Variants in CFAP52 observed in about 807,000 individuals in gnomAD.
The protein encoded by CFAP52 is cilia- and flagella-associated protein 52.
A neutral mutation model predicts 70.5 loss-of-function variants in CFAP52; 57 were observed. The observed-to-expected ratio is 0.81, with a 90% confidence interval of 0.65 to 1.01. The LOEUF is 1.01. CFAP52 is among the 50% of genes least tolerant of loss of function. The probability of loss-of-function intolerance (pLI) is 0.00; values close to 1 mark genes in which losing one functional copy is unlikely to be tolerated. For synonymous variants in CFAP52, 267 were observed against 292.5 expected (o/e 0.91, Z 0.89); for missense variants, 785 against 788.5 (o/e 1.00, Z 0.05).
intron 3 of CFAP52, chr17:9,590,164 T>A (rs962328425): frequency 1.1e-5 from 2 of 189,238 alleles, no homozygotes; most frequent in East Asian, 2.6e-4. Context: ...CGATCCATGG[T>A]ATCTTCAGAG....
chr17:9,584,376 G>T, intron 1 of CFAP52: 2 of 1,279,604 alleles, frequency 1.6e-6, no homozygotes, highest in Non-Finnish European at 1.0e-6. Flanking sequence ...CACCTGGTGG[G>T]CACTCAGAAC....
chr17:9,580,877 T>C (rs1034506922), intron 1 of CFAP52, among the ~76,000 whole-genome samples: 2 of 152,210 alleles, frequency 1.3e-5, no homozygotes, highest in Non-Finnish European at 2.9e-5. Flanking sequence ...CAATTCTTAA[T>C]GAAGATAATC....
rs1910153168 is a variant in CFAP52 at position 9,624,164 on chromosome 17, T to C, written c.1026-4508T>C. Among the ~76,000 whole-genome samples the C allele has an allele frequency of 2.6e-5, 4 of 152,308 alleles. No homozygotes were observed. The South Asian group carries it at 8.3e-4, about 32-fold the overall frequency. On this transcript the variant is annotated intron_variant, in intron 8 of 13. Transcript: ENST00000352665. ...ACTGTGATTTGTCTTTCTCTTTGTG[T>C]TTATCCTTTCTTAGCATTTGTTAAA...
chr17:9,630,138 C>T (rs772986431), intron 9 of CFAP52, among the ~76,000 whole-genome samples: 1 of 151,856 alleles, frequency 6.6e-6, no homozygotes, highest in African/African-American at 2.4e-5. Flanking sequence ...TTATCTTCCC[C>T]CTTATCCTAG....
chr17:9,616,303 C>G (rs1213057345), intron 8 of CFAP52, among the ~76,000 whole-genome samples: 1 of 131,356 alleles, frequency 7.6e-6, no homozygotes, highest in African/African-American at 3.1e-5. Flanking sequence ...GCTTAAGAAA[C>G]GGCGCACCAC....
intron 6 of CFAP52, among the ~76,000 whole-genome samples, chr17:9,603,810 A>T (rs1026525098): frequency 2.0e-5 from 3 of 152,222 alleles, no homozygotes; most frequent in Non-Finnish European, 4.4e-5. Context: ...TGTTCTGCAC[A>T]TGTATCCCAG....
At position 9,586,679 on chromosome 17, in the gene CFAP52, G is replaced by C. The variant is rs768841227; in HGVS notation, c.271-19G>C. ...TTTTAATGCCTCCCTATGATCTGACGGTGTGTTCTTGCCCCCAGGCAGACA... is the reference window on the plus strand; with the variant it reads ...TTTTAATGCCTCCCTATGATCTGACCGTGTGTTCTTGCCCCCAGGCAGACA... On this transcript the variant is annotated intron_variant, in intron 2 of 13. Coordinates refer to ENST00000352665, the MANE Select transcript of CFAP52 (RefSeq NM_145054.5). 2 of 1,597,060 alleles carry C rather than the reference G, an allele frequency of 1.3e-6. No homozygotes were observed. Among genetic ancestry groups the C allele is most frequent in the African/African-American group, 1.4e-5 (1 of 73,828 alleles).
At chr17:9,644,240 G>C (rs577907626), downstream of CFAP52, among the ~76,000 whole-genome samples, 1 of 152,260 alleles carries the variant, frequency 6.6e-6, no homozygotes, top group African/African-American at 2.4e-5. Flanking sequence ...TGAGTAGCTA[G>C]GATTACAGGC....
intron 11 of CFAP52, among the ~76,000 whole-genome samples, chr17:9,636,809 G>T (rs1279573091): frequency 6.6e-6 from 1 of 152,182 alleles, no homozygotes; most frequent in Non-Finnish European, 1.5e-5. Flanking sequence ...CACTTTGGGA[G>T]GCCGAGGTGG....
At chr17:9,576,912 C>A in intron 1 of CFAP52, 147 bp downstream of exon 1, 1 of 781,848 alleles carries the variant, frequency 1.3e-6, no homozygotes, top group Non-Finnish European at 1.9e-6. Context: ...CAGGAGGACC[C>A]GCACAGCCTG....
chr17:9,611,220 T>C (rs1909699852), intron 7 of CFAP52, among the ~76,000 whole-genome samples: 1 of 150,208 alleles, frequency 6.7e-6, no homozygotes, highest in Non-Finnish European at 1.5e-5. Flanking sequence ...AGAGTCTGTA[T>C]CCTAGGGCCT....
intron 6 of CFAP52, among the ~76,000 whole-genome samples, chr17:9,601,336 C>T (rs566031480): frequency 2.4e-4 from 37 of 151,814 alleles, no homozygotes; most frequent in African/African-American, 8.5e-4. Context: ...GGGTGCAGCA[C>T]ACCAACATGG....
intron 8 of CFAP52, among the ~76,000 whole-genome samples, chr17:9,613,993 T>A (rs1037443198): frequency 1.6e-4 from 25 of 152,186 alleles, no homozygotes; most frequent in African/African-American, 5.1e-4. Flanking sequence ...TCTTTTTTTT[T>A]AATAAGCACT....
intron 8 of CFAP52, among the ~76,000 whole-genome samples, chr17:9,627,655 CATT>C (rs1910290865): frequency 1.3e-5 from 2 of 152,162 alleles, no homozygotes; most frequent in African/African-American, 4.8e-5. Context: ...AGGTAATATA[CATT>C]AAATATGTTC....
rs187575858 is a variant in CFAP52, at chr17:9,636,970, G to A, written c.1472+1414G>A. On this transcript the variant is annotated intron_variant, in intron 11 of 13. Coordinates refer to ENST00000352665, the MANE Select transcript of CFAP52 (RefSeq NM_145054.5). ...TGAGGCAGGAGAATCGCTTGAACCCGGGAGGCGGAGGTTGCAGTGAGCTGA... is the reference window on the plus strand; with the variant it reads ...TGAGGCAGGAGAATCGCTTGAACCCAGGAGGCGGAGGTTGCAGTGAGCTGA... 4.1e-3 allele frequency among the ~76,000 whole-genome samples: 626 copies of A among 152,198 alleles called. 3 individuals carry two copies. Among genetic ancestry groups the A allele is most frequent in the African/African-American group, 0.014 (590 of 41,514 alleles).
intron 6 of CFAP52, among the ~76,000 whole-genome samples, chr17:9,602,069 A>G (rs1293963218): frequency 6.6e-6 from 1 of 152,176 alleles, no homozygotes; most frequent in Non-Finnish European, 1.5e-5. Flanking sequence ...TAATGCTACA[A>G]GAGATTGAAG....
At chr17:9,626,709 A>G (rs556095725) in intron 8 of CFAP52, among the ~76,000 whole-genome samples, 30 of 152,322 alleles carry the variant, frequency 2.0e-4, no homozygotes, top group African/African-American at 7.0e-4. Context: ...CTTGATTTAC[A>G]TTAATCAAGA....
At chr17:9,578,840 C>T (rs1411123660) in intron 1 of CFAP52, among the ~76,000 whole-genome samples, 1 of 152,202 alleles carries the variant, frequency 6.6e-6, no homozygotes. Context: ...GCCACCACAC[C>T]CAGCCACAGG....
At position 9,641,762 on chromosome 17, in the gene CFAP52, A is replaced by G. The variant is rs1462909550; in HGVS notation, c.1614A>G (p.Arg538=). The G allele has an allele frequency of 1.2e-6, 2 of 1,614,000 alleles. No individual in the cohort carries two copies. The highest frequency in any genetic ancestry group is 8.5e-7 in the Non-Finnish European group (1 of 1,179,892). The change falls in exon 13 of 14, where the codon AGA becomes AGG. Residue 538 remains arginine, a synonymous_variant. Transcript: ENST00000352665. The part of the protein sequence containing the change: ...YWEVFDGTVI[R]ELEGSLSGSI... Reference sequence around the variant, plus strand: ...AAGTATTTGATGGGACAGTAATCAGAGAATTGGAAGGTTCCCTGTCTGGGT... The same window carrying G: ...AAGTATTTGATGGGACAGTAATCAGGGAATTGGAAGGTTCCCTGTCTGGGT...
Sources: allele counts gnomAD v4.1 joint callset (sites outside exome capture counted in the v4.1 genomes callset), GRCh38; gene constraint gnomAD v4.1.1; transcripts MANE v1.5; gene names NCBI Gene and HGNC (gene_info 2026-07-23, HGNC 2026-07-21).